The following SET variants were observed in gnomAD, a reference collection of about 807,000 sequenced individuals.
The protein encoded by SET is SET nuclear proto-oncogene.
SET carries 4 observed loss-of-function variants against 39.0 expected under a neutral mutation model. The ratio of observed to expected loss-of-function variants is 0.10; its 90% CI spans 0.05 to 0.23. The LOEUF (loss-of-function observed/expected upper bound fraction) is 0.23, where lower values mean the gene tolerates loss of function less well. SET is among the 10% of genes least tolerant of loss of function. The pLI is 1.00. For synonymous variants in SET, 114 were observed against 115.9 expected (o/e 0.98, Z 0.11); for missense variants, 137 against 329.7 (o/e 0.42, Z 4.53).
chr9:128,685,900 G>T (rs768726599), upstream of SET, among the ~76,000 whole-genome samples: 1 of 152,182 alleles, frequency 6.6e-6, no homozygotes, highest in African/African-American at 2.4e-5. Context: ...GACGATGCAT[G>T]CCTGTAATCC....
Position 128,693,717 on chromosome 9 carries a change from C to T in SET, c.572C>T (p.Thr191Ile), listed in dbSNP as rs1861625849. 8 of 1,613,722 alleles carry T rather than the reference C, an allele frequency of 5.0e-6. No homozygotes were observed. The highest frequency in any genetic ancestry group is 5.9e-6 in the Non-Finnish European group (7 of 1,179,998). ...RQHEEPESFFTWFTDHSDAGA... is the reference protein window; with the variant it reads ...RQHEEPESFFIWFTDHSDAGA... ...CATGAGGAACCAGAGAGCTTCTTTA[C>T]CTGGTTTACTGACCATTCTGATGCA... The change falls in exon 6 of 8, where the codon ACC becomes ATC. Residue 191 changes from threonine to isoleucine, a missense_variant. Around this residue, in one of 3 missense-constraint regions of SET, gnomAD observed 59 missense variants for 237.2 expected, o/e 0.25. Coordinates refer to ENST00000322030, the MANE Select transcript of SET (RefSeq NM_003011.4).
intron 5 of SET, among the ~76,000 whole-genome samples, chr9:128,693,246 A>G (rs1377914252): frequency 6.6e-6 from 1 of 152,168 alleles, no homozygotes; most frequent in Non-Finnish European, 1.5e-5. Flanking sequence ...AAAAAAAGAG[A>G]AAAATCTAGC....
rs983131551 is a variant in SET, at chr9:128,694,574, T to C, written c.811-67T>C. The stretch of plus-strand genomic sequence containing the variant: ...CCCCCAGGGGCACTCGTGGGGTCCA[T>C]TGTGGTCCATATGAAAGCAAGTCTC... On this transcript the variant is annotated intron_variant, in intron 7 of 7. Transcript: ENST00000322030. 80 of 1,104,904 alleles carry C rather than the reference T, an allele frequency of 7.2e-5. 1 individual carries two copies. Among genetic ancestry groups the C allele is most frequent in the Non-Finnish European group, 1.1e-4 (79 of 748,654 alleles). 68.4% of individuals were successfully genotyped at this position (1,104,904 alleles called of 1,614,324 possible).
chr9:128,683,946 A>G, exon 1 of SET: 1 of 1,557,232 alleles, frequency 6.4e-7, no homozygotes, highest in South Asian at 1.2e-5. Context: ...AGAAACCAAG[A>G]CCACCTCCTG....
rs1170497904 is a variant in SET at position 128,696,384 on chromosome 9, GA to G, written c.*1721del. The G allele has an allele frequency of 2.8e-5, 5 of 179,444 alleles. No homozygotes were observed. Among genetic ancestry groups the G allele is most frequent in the Admixed American group, 6.3e-5 (1 of 15,870 alleles). The allele number at this position is 179,444 out of a possible 1,614,324, so 11.1% of individuals were successfully genotyped here. ...TCTTGCTCCAATAAAGGAACATAAA[GA>G]TTTTTTTTGGACTGGGGTCATTCTC... is the stretch of plus-strand genomic sequence containing the variant. On this transcript the variant is annotated 3_prime_UTR_variant, in exon 8 of 8. Coordinates refer to ENST00000322030, the MANE Select transcript of SET (RefSeq NM_003011.4).
exon 1 of SET, chr9:128,683,919 A>T (rs912947587): frequency 6.4e-7 from 1 of 1,552,762 alleles, no homozygotes; most frequent in South Asian, 1.2e-5. Flanking sequence ...GCCAGTCTCC[A>T]CTCCCGCCTC....
chr9:128,684,076 C>A, intron 1 of SET: 2 of 1,256,868 alleles, frequency 1.6e-6, no homozygotes, highest in Non-Finnish European at 2.3e-6. Context: ...TGATTTTTAC[C>A]CCCCAATCCC....
chr9:128,692,631 A>T (rs1050980466), intron 3 of SET, 31 bp from the exon 4 acceptor site: 3 of 1,453,146 alleles, frequency 2.1e-6, no homozygotes, highest in Non-Finnish European at 2.9e-6. Flanking sequence ...GCCTGTTGAA[A>T]ATTCAGCTGA....
exon 1 of SET, chr9:128,683,869 G>A (rs775785887): frequency 1.5e-5 from 23 of 1,534,536 alleles, no homozygotes; most frequent in Non-Finnish European, 1.8e-5. Context: ...GAGACTCGTG[G>A]TCTGGTTCTG....
At position 128,689,675 on chromosome 9, in the gene SET, GGGCC is replaced by G; in HGVS notation, c.73+25_73+28del. 1 of 940,536 alleles carries G rather than the reference GGGCC, an allele frequency of 1.1e-6. No individual in the cohort carries two copies. Among genetic ancestry groups the G allele is most frequent in the Non-Finnish European group, 1.4e-6 (1 of 735,750 alleles). 58.3% of individuals were successfully genotyped at this position (940,536 alleles called of 1,614,324 possible). ...CCTCAGGTGAGAGCAGCGAGCCCGG[GGGCC>G]GGCCCGCGCCGCCATCTTCGCCGCC... On this transcript the variant is annotated intron_variant, in intron 1 of 7. Transcript: ENST00000322030.
chr9:128,694,191 A>G, intron 7 of SET, 149 bp downstream of exon 7: 1 of 827,950 alleles, frequency 1.2e-6, no homozygotes. Context: ...AGAATTAAGG[A>G]AATGTTTGAT....
At chr9:128,692,139 C>G in intron 3 of SET, 139 bp downstream of exon 3, 1 of 1,034,128 alleles carries the variant, frequency 9.7e-7, no homozygotes, top group Non-Finnish European at 1.4e-6. Flanking sequence ...GTAATCCCAG[C>G]ACTTTGGGAG....
At chr9:128,694,612 G>A in intron 7 of SET, 29 bp from the exon 8 acceptor site, 6 of 1,538,218 alleles carry the variant, frequency 3.9e-6, no homozygotes, top group Middle Eastern at 1.7e-4. Flanking sequence ...CATTAATCCT[G>A]AAGATTAACT....
chr9:128,691,733 A>G, intron 2 of SET, 125 bp from the exon 3 acceptor site: 2 of 907,628 alleles, frequency 2.2e-6, no homozygotes, highest in South Asian at 3.7e-5. Context: ...TTAGGTGATA[A>G]TGGTTATTAT....
chr9:128,692,397 CAAAAAAAAAAAA>C (rs58637669), intron 3 of SET: 48 of 76,250 alleles, frequency 6.3e-4, no homozygotes, highest in African/African-American at 2.3e-3. Context: ...GAGACTGTTT[CAAAAAAAAAAAA>C]AAAAAAAAAA....
chr9:128,693,022 C>T (rs747681536), intron 5 of SET, 41 bp downstream of exon 5: 5 of 1,361,486 alleles, frequency 3.7e-6, no homozygotes, highest in Non-Finnish European at 5.2e-6. Context: ...AGCATTTTGC[C>T]TATTTCAGTT....
chr9:128,694,067 A>C, intron 7 of SET, 25 bp downstream of exon 7: 8 of 1,485,480 alleles, frequency 5.4e-6, no homozygotes, highest in Non-Finnish European at 5.4e-6. Context: ...GGCTAAACCC[A>C]CAAAGATAAC....
At chr9:128,688,283 G>A (rs1040182650), upstream of SET, among the ~76,000 whole-genome samples, 3 of 152,208 alleles carry the variant, frequency 2.0e-5, no homozygotes, top group African/African-American at 7.2e-5. Flanking sequence ...GGGTGCTGGA[G>A]GGACAGAATG....
In SET at chr9:128,683,926, C is replaced by A. The variant is rs1040201938; in HGVS notation, c.31C>A (p.Pro11Thr). Residue 11 changes from proline (P) to threonine (T), a missense_variant, in exon 1 of 8, where the codon CCT becomes ACT. Physicochemically the swap from Pro to Thr is conservative, Grantham distance 38. Transcript: ENST00000372692. ...CCCTAAACGCCAGTCTCCACTCCCG[C>A]CTCAAAAGAAGAAACCAAGACCACC... The A allele has an allele frequency of 5.8e-6, 9 of 1,555,352 alleles. No homozygotes were observed. In the African/African-American group the frequency reaches 1.1e-4, roughly 19 times the overall value.
Sources: gnomAD v4.1 joint callset for allele counts (sites outside exome capture counted in the v4.1 genomes callset) on GRCh38, gnomAD v4.1.1 for gene constraint, gnomAD v4.1.1 regional missense constraint, MANE v1.5 for transcripts, NCBI Gene and HGNC (gene_info 2026-07-23, HGNC 2026-07-21) for gene names.